Variants in COG4 observed in about 807,000 individuals in gnomAD.
COG4 encodes conserved oligomeric Golgi complex subunit 4.
COG4 carries 65 observed loss-of-function variants against 95.1 expected under a neutral mutation model. The observed-to-expected ratio is 0.68, with a 90% CI of 0.56 to 0.84. COG4 has a LOEUF of 0.84. Among genes scored for constraint, COG4 ranks in the 40% least tolerant of loss-of-function variants. The pLI is 0.00. For synonymous variants in COG4, 421 were observed against 374.8 expected (o/e 1.12, Z -1.42); for missense variants, 1,045 against 989.1 (o/e 1.06, Z -0.76).
intron 8 of COG4, among the ~76,000 whole-genome samples, chr16:70,501,805 C>T (rs2049457006): frequency 6.6e-6 from 1 of 150,476 alleles, no homozygotes; most frequent in African/African-American, 2.5e-5. Context: ...GAGTGTGCCA[C>T]CCCACCTGGC....
At chr16:70,501,404 A>C (rs531502796) in intron 8 of COG4, 3 of 335,402 alleles carry the variant, frequency 8.9e-6, no homozygotes, top group African/African-American at 6.4e-5. Flanking sequence ...CCCAGGCTGG[A>C]GTGCAGTGGC....
At chr16:70,518,126 T>C (rs2049863651) in intron 2 of COG4, among the ~76,000 whole-genome samples, 1 of 151,954 alleles carries the variant, frequency 6.6e-6, no homozygotes, top group Non-Finnish European at 1.5e-5. Flanking sequence ...AGACGGGGTT[T>C]CACCACGTTG....
Position 70,480,957 on chromosome 16 carries a change from C to T in COG4, c.*53G>A. On this transcript the variant is annotated 3_prime_UTR_variant, in exon 19 of 19. Transcript: ENST00000323786. ...CTCGCTCAGCTCCTTGGCTGGGGCC[C>T]CTTAGGGAACAGGCCTGCAAGTGTG... The T allele has an allele frequency of 1.2e-6, 2 of 1,606,812 alleles. No homozygotes were observed. The highest frequency in any genetic ancestry group is 1.7e-6 in the Non-Finnish European group (2 of 1,178,782).
rs1030242481 is a variant in COG4 at position 70,517,874 on chromosome 16, C to T, written c.255-134G>A. The T allele has an allele frequency of 2.0e-5, 14 of 684,280 alleles. No individual in the cohort carries two copies. The Admixed American group carries it at 2.2e-4, about 11-fold the overall frequency. 42.4% of individuals were successfully genotyped at this position (684,280 alleles called of 1,614,324 possible). Reference sequence around the variant, plus strand: ...AACTCTTAGCTCAGTTTGCTCTATACTCAGCTTTTTCTCAAGAACGTTTGA... The same window carrying T: ...AACTCTTAGCTCAGTTTGCTCTATATTCAGCTTTTTCTCAAGAACGTTTGA... On this transcript the variant is annotated intron_variant, in intron 2 of 18. Coordinates refer to ENST00000323786, the MANE Select transcript of COG4 (RefSeq NM_015386.3).
At chr16:70,520,008 T>C (rs2151765766) in intron 1 of COG4, among the ~76,000 whole-genome samples, 1 of 152,234 alleles carries the variant, frequency 6.6e-6, no homozygotes, top group South Asian at 2.1e-4. Flanking sequence ...AGGAAGGCAT[T>C]TAAAATACAA....
At chr16:70,514,218 A>C (rs2049774455) in intron 4 of COG4, 117 bp downstream of exon 4, 1 of 1,032,922 alleles carries the variant, frequency 9.7e-7, no homozygotes, top group Non-Finnish European at 1.5e-6. Context: ...AAAAAAAAGA[A>C]GAAAAAGAAA....
chr16:70,509,112 C>A, intron 7 of COG4, 119 bp downstream of exon 7: 1 of 1,272,434 alleles, frequency 7.9e-7, no homozygotes, highest in East Asian at 2.3e-5. Flanking sequence ...GTGCGCTTAG[C>A]ATTTATTTTT....
In COG4 at chr16:70,506,593, C is replaced by CAAAAAAAAAAAAAA. The variant is rs1237710539; in HGVS notation, c.1061+1799_1061+1812dup. Among the ~76,000 whole-genome samples, 11 of 14,684 alleles carry CAAAAAAAAAAAAAA rather than the reference C, an allele frequency of 7.5e-4. 1 individual carries two copies. The highest frequency in any genetic ancestry group is 8.7e-4 in the Non-Finnish European group (7 of 8,068). The allele number at this position is 14,684 out of a possible 152,430, so 9.6% of individuals were successfully genotyped here. ...CCTGGGCAACAGAGCGAGACTGCCT[C>CAAAAAAAAAAAAAA]AAAAAAAAAAAAAAAAAAAAAAAAC... is the stretch of plus-strand genomic sequence containing the variant. On this transcript the variant is annotated intron_variant, in intron 8 of 18. Transcript: ENST00000323786.
rs779559679 is a variant in COG4, at chr16:70,483,946, G to A, written c.1734C>T (p.Ser578=). Residue 578 remains serine, a synonymous_variant, in exon 14 of 19, where the codon AGC becomes AGT. Transcript: ENST00000323786. ...GGGCCTGCTCCCCTCCAATGCCCTG[G>A]CTGAAGAGCTTGGTGCAGTCACTCT... ...TLESDCTKLF[S]QGIGGEQAQA... The A allele has an allele frequency of 6.2e-7, 1 of 1,612,836 alleles. No homozygotes were observed. Among genetic ancestry groups the A allele is most frequent in the Non-Finnish European group, 8.5e-7 (1 of 1,179,902 alleles).
chr16:70,498,502 AT>A (rs1329572634), intron 9 of COG4, among the ~76,000 whole-genome samples: 2 of 151,772 alleles, frequency 1.3e-5, no homozygotes, highest in African/African-American at 2.4e-5. Context: ...CAAATTTTGT[AT>A]TTTTAGTAGA....
At chr16:70,519,120 CTTT>C (rs779941972) in intron 2 of COG4, among the ~76,000 whole-genome samples, 3 of 87,820 alleles carry the variant, frequency 3.4e-5, no homozygotes, top group Non-Finnish European at 3.8e-5. Context: ...ATTTGCATTT[CTTT>C]TTTTTTTTTT....
chr16:70,523,131 A>G (rs1469414567), intron 1 of COG4: 3 of 560,734 alleles, frequency 5.4e-6, no homozygotes, highest in Non-Finnish European at 9.6e-6. Context: ...AGGGAAATCA[A>G]CGGGGGTCTA....
At chr16:70,517,982 G>T (rs1478297425) in intron 2 of COG4, among the ~76,000 whole-genome samples, 18 of 151,660 alleles carry the variant, frequency 1.2e-4, no homozygotes. Flanking sequence ...CCAGGCTGGA[G>T]TGCACTGGCG....
intron 8 of COG4, among the ~76,000 whole-genome samples, chr16:70,508,140 C>T (rs1397003906): frequency 5.9e-5 from 9 of 152,092 alleles, no homozygotes; most frequent in African/African-American, 2.2e-4. Flanking sequence ...AGGCTGGTCT[C>T]GAACTCCCGA....
chr16:70,520,173 C>T (rs1009240318), intron 1 of COG4, among the ~76,000 whole-genome samples: 7 of 152,024 alleles, frequency 4.6e-5, no homozygotes, highest in South Asian at 4.2e-4. Flanking sequence ...CGGCGGCTTA[C>T]GTCGGTAATC....
chr16:70,501,246 A>G, intron 8 of COG4, 155 bp from the exon 9 acceptor site: 1 of 717,598 alleles, frequency 1.4e-6, no homozygotes, highest in South Asian at 1.6e-5. Flanking sequence ...CCCAATTAGA[A>G]TCAGAGATAG....
chr16:70,491,760 G>A (rs959902372), intron 12 of COG4, among the ~76,000 whole-genome samples: 7 of 148,556 alleles, frequency 4.7e-5, no homozygotes, highest in Admixed American at 4.1e-4. Context: ...GGAGGCGTAG[G>A]TTGCAGTGAG....
At chr16:70,490,480 A>G (rs2049222115) in intron 12 of COG4, 88 bp from the exon 13 acceptor site, 4 of 1,101,608 alleles carry the variant, frequency 3.6e-6, no homozygotes, top group East Asian at 2.4e-5. Flanking sequence ...GCTGTGCTCC[A>G]TGAAGCTCAG....
chr16:70,510,042 C>A (rs190927041), intron 5 of COG4, 21 bp from the exon 6 acceptor site: 2 of 1,592,532 alleles, frequency 1.3e-6, no homozygotes, highest in Non-Finnish European at 1.7e-6. Flanking sequence ...AGAAAACCCA[C>A]ACACATTCCT....
Sources: gnomAD v4.1 joint callset for allele counts (sites outside exome capture counted in the v4.1 genomes callset) on GRCh38, gnomAD v4.1.1 for gene constraint, MANE v1.5 for transcripts, NCBI Gene and HGNC (gene_info 2026-07-23, HGNC 2026-07-21) for gene names.